LTBP1: variants seen among roughly 807,000 people sequenced by gnomAD.
The protein encoded by LTBP1 is latent-transforming growth factor beta-binding protein 1.
In LTBP1, 129 loss-of-function variants were observed where a neutral mutation model predicts 207.6. The observed-to-expected ratio is 0.62, with a 90% CI of 0.54 to 0.72. LTBP1 has a LOEUF of 0.72. Ranked by LOEUF, LTBP1 falls within the 30% of genes least tolerant of loss-of-function variation. The pLI is 0.00. For synonymous variants in LTBP1, 963 were observed against 833.7 expected, an observed-to-expected ratio of 1.16 and a Z score of -2.67; for missense variants, 2,281 against 2,217.2, an observed-to-expected ratio of 1.03 and a Z score of -0.58.
At chr2:33,358,425 A>G (rs144455046) in intron 26 of LTBP1, among the ~76,000 whole-genome samples, 260 of 151,692 alleles carry the variant, frequency 1.7e-3, no homozygotes, top group African/African-American at 5.8e-3. Flanking sequence ...AATGCATAAA[A>G]TTATATTTAA....
chr2:33,293,795 T>G (rs2093820305), intron 20 of LTBP1, among the ~76,000 whole-genome samples: 1 of 152,170 alleles, frequency 6.6e-6, no homozygotes, highest in Non-Finnish European at 1.5e-5. Flanking sequence ...TGTATAATTT[T>G]ATATCTTGCT....
At chr2:33,352,464 G>C (rs1283958326) in intron 26 of LTBP1, among the ~76,000 whole-genome samples, 1 of 152,046 alleles carries the variant, frequency 6.6e-6, no homozygotes, top group East Asian at 1.9e-4. Flanking sequence ...ATCGATACTA[G>C]AAATTCTGAA....
In LTBP1 at chr2:32,947,243, G is replaced by A. The variant is rs970382771; in HGVS notation, c.-82G>A. ...CTCTCGGCAGCTCTCGGGGGAGCCC[G>A]AACGCGCGGGGAAAGGCGAGCCGCA... is the stretch of plus-strand genomic sequence containing the variant. On this transcript the variant is annotated 5_prime_UTR_variant, in exon 1 of 34. Coordinates refer to ENST00000404816, the MANE Select transcript of LTBP1 (RefSeq NM_206943.4). 1 of 1,099,198 alleles carries A rather than the reference G, an allele frequency of 9.1e-7. No homozygotes were observed. The highest frequency in any genetic ancestry group is 1.1e-6 in the Non-Finnish European group (1 of 874,750). 68.1% of individuals were successfully genotyped at this position (1,099,198 alleles called of 1,614,324 possible). A position where few individuals can be genotyped will look rare whatever the true frequency, so the allele number is the denominator to read the frequency against.
At chr2:32,999,133 A>G (rs970259954) in intron 2 of LTBP1, among the ~76,000 whole-genome samples, 2 of 152,200 alleles carry the variant, frequency 1.3e-5, no homozygotes, top group African/African-American at 4.8e-5. Flanking sequence ...CTTGTGATTC[A>G]AAATGTGAGC....
intron 22 of LTBP1, 44 bp from the exon 23 acceptor site, chr2:33,309,390 A>G (rs1418731190): frequency 2.1e-6 from 3 of 1,412,934 alleles, no homozygotes; most frequent in South Asian, 2.6e-5. Context: ...ATTTTCCGAT[A>G]TGTGATTTAT....
intron 2 of LTBP1, among the ~76,000 whole-genome samples, chr2:32,996,928 A>C (rs535026523): frequency 1.1e-4 from 16 of 152,182 alleles, no homozygotes; most frequent in Middle Eastern, 3.4e-3. Flanking sequence ...TCTGTCGCCC[A>C]GGCTGGAGTG....
intron 2 of LTBP1, among the ~76,000 whole-genome samples, chr2:32,989,861 G>A (rs12712333): frequency 0.072 from 11,021 of 152,232 alleles, 491 homozygotes; most frequent in South Asian, 0.19. Flanking sequence ...TGGTACCTAC[G>A]GCAAAGGTAG....
chr2:32,980,584 A>G (rs1682608747), intron 2 of LTBP1, among the ~76,000 whole-genome samples: 3 of 152,150 alleles, frequency 2.0e-5, no homozygotes, highest in Admixed American at 2.0e-4. Flanking sequence ...ATTTTTGACT[A>G]GTTCATCTTC....
chr2:33,290,422 G>T (rs1007353060), intron 19 of LTBP1, among the ~76,000 whole-genome samples: 5 of 152,196 alleles, frequency 3.3e-5, no homozygotes, highest in African/African-American at 4.8e-5. Flanking sequence ...GGCCCCACAA[G>T]TTTGTGTCCT....
chr2:33,376,552 G>C (rs986836768), intron 31 of LTBP1, among the ~76,000 whole-genome samples: 9 of 152,236 alleles, frequency 5.9e-5, no homozygotes, highest in African/African-American at 2.2e-4. Context: ...CCCACCATAG[G>C]ATGCGGAGCA....
At chr2:33,219,739 T>A (rs537483784) in intron 8 of LTBP1, among the ~76,000 whole-genome samples, 1 of 152,218 alleles carries the variant, frequency 6.6e-6, no homozygotes. Flanking sequence ...CTTTTTCATT[T>A]TCATTTACCC....
At chr2:32,979,537 A>G (rs1682432727) in intron 2 of LTBP1, among the ~76,000 whole-genome samples, 1 of 151,996 alleles carries the variant, frequency 6.6e-6, no homozygotes, top group Non-Finnish European at 1.5e-5. Flanking sequence ...GTTTTATTCT[A>G]TTGTGTTCAG....
chr2:33,017,984 G>A (rs1220343947), intron 2 of LTBP1, among the ~76,000 whole-genome samples: 3 of 152,054 alleles, frequency 2.0e-5, no homozygotes, highest in African/African-American at 4.8e-5. Flanking sequence ...TGCTCTAGGG[G>A]GCACCTGTCT....
intron 2 of LTBP1, among the ~76,000 whole-genome samples, chr2:32,964,509 T>C (rs928079304): frequency 1.3e-5 from 2 of 152,192 alleles, no homozygotes; most frequent in Admixed American, 6.5e-5. Flanking sequence ...TCAGTTATTG[T>C]AGTAATAGCT....
intron 5 of LTBP1, among the ~76,000 whole-genome samples, chr2:33,155,048 G>A (rs1031352317): frequency 4.6e-5 from 7 of 152,162 alleles, no homozygotes; most frequent in Non-Finnish European, 8.8e-5. Flanking sequence ...GGGCTACAGA[G>A]TGAGACTCCA....
intron 5 of LTBP1, among the ~76,000 whole-genome samples, chr2:33,143,734 C>T (rs967047308): frequency 1.3e-5 from 2 of 151,754 alleles, no homozygotes; most frequent in Non-Finnish European, 2.9e-5. Context: ...CAGTCTTTTA[C>T]GGAAGAACCT....
intron 2 of LTBP1, among the ~76,000 whole-genome samples, chr2:32,968,477 T>A (rs1209591936): frequency 6.6e-6 from 1 of 152,246 alleles, no homozygotes; most frequent in East Asian, 1.9e-4. Context: ...TGATATTTAT[T>A]TTTTCATCCC....
At chr2:33,398,303 T>G in intron 33 of LTBP1, 61 bp from the exon 34 acceptor site, 1 of 1,515,970 alleles carries the variant, frequency 6.6e-7, no homozygotes, top group Non-Finnish European at 9.0e-7. Context: ...AAGCCTCAGG[T>G]TATGTGTCCT....
At chr2:33,168,910 A>C (rs1470184787) in intron 5 of LTBP1, among the ~76,000 whole-genome samples, 1 of 152,206 alleles carries the variant, frequency 6.6e-6, no homozygotes, top group Admixed American at 6.5e-5. Context: ...TTTGCTACTC[A>C]GAAGAGAGGA....
Sources: gnomAD v4.1 joint callset for allele counts (sites outside exome capture counted in the v4.1 genomes callset) on GRCh38, gnomAD v4.1.1 for gene constraint, MANE v1.5 for transcripts, NCBI Gene and HGNC (gene_info 2026-07-23, HGNC 2026-07-21) for gene names.